Variants in KIF26B observed in about 807,000 individuals in gnomAD.
KIF26B encodes kinesin-like protein KIF26B.
A neutral mutation model predicts 151.2 loss-of-function variants in KIF26B; 63 were observed. That is an observed-to-expected ratio of 0.42 (90% CI 0.34 to 0.51). The LOEUF is 0.51. Among genes scored for constraint, KIF26B ranks in the 20% least tolerant of loss-of-function variants. The pLI, the probability that KIF26B is intolerant of heterozygous loss-of-function variation, is 0.07. For missense variants in KIF26B, 2,813 were observed against 2,913.6 expected (o/e 0.97, Z 0.79); for synonymous variants, 1,357 against 1,262.1 (o/e 1.08, Z -1.59).
intron 5 of KIF26B, among the ~76,000 whole-genome samples, chr1:245,565,597 C>A: frequency 6.6e-6 from 1 of 152,160 alleles, no homozygotes; most frequent in East Asian, 1.9e-4. Flanking sequence ...GCCTCTGATG[C>A]GTTCTTGCCG....
chr1:245,314,293 C>CA (rs542268110), intron 2 of KIF26B, among the ~76,000 whole-genome samples: 4 of 150,940 alleles, frequency 2.7e-5, no homozygotes, highest in Non-Finnish European at 1.5e-5. Flanking sequence ...ACTAAAAATA[C>CA]AAAAAAAAAT....
chr1:245,494,884 A>C (rs1660481029), intron 4 of KIF26B, among the ~76,000 whole-genome samples: 1 of 152,014 alleles, frequency 6.6e-6, no homozygotes, highest in African/African-American at 2.4e-5. Context: ...TATAAAAAAT[A>C]CAAAAATTAG....
intron 5 of KIF26B, among the ~76,000 whole-genome samples, chr1:245,543,935 G>A (rs576145313): frequency 3.9e-4 from 60 of 152,226 alleles, no homozygotes; most frequent in African/African-American, 1.3e-3. Context: ...ACGACAGAGC[G>A]AGACTCCATC....
At chr1:245,660,903 C>G (rs746539766) in intron 10 of KIF26B, among the ~76,000 whole-genome samples, 2 of 151,894 alleles carry the variant, frequency 1.3e-5, no homozygotes, top group Non-Finnish European at 2.9e-5. Flanking sequence ...GCAGCCTTGA[C>G]CTGCTGGGCT....
At position 245,239,407 on chromosome 1, in the gene KIF26B, C is replaced by T. The variant is rs1263665470; in HGVS notation, c.465+82724C>T. 6.6e-6 allele frequency among the ~76,000 whole-genome samples: 1 copy of T among 152,206 alleles called. No individual in the cohort carries two copies. The highest frequency in any genetic ancestry group is 2.4e-5 in the African/African-American group (1 of 41,456). The stretch of plus-strand genomic sequence containing the variant: ...TAGAAAGCGAATTCTTTCTTTGCAT[C>T]AATTTTTATCAAAAACTTAATGCCA... On this transcript the variant is annotated intron_variant, in intron 2 of 14. Coordinates refer to ENST00000407071, the MANE Select transcript of KIF26B (RefSeq NM_018012.4). The surrounding 1 kb of genome is among the most constrained non-coding windows in gnomAD (Gnocchi z 4.3).
intron 4 of KIF26B, among the ~76,000 whole-genome samples, chr1:245,425,562 A>G (rs1415097613): frequency 6.6e-6 from 1 of 152,020 alleles, no homozygotes. Flanking sequence ...GTCCAACACC[A>G]CACCCGGCTA....
At chr1:245,454,868 A>C (rs72762811) in intron 4 of KIF26B, among the ~76,000 whole-genome samples, 1,934 of 152,272 alleles carry the variant, frequency 0.013, 14 homozygotes, top group Non-Finnish European at 0.019. Context: ...TTTGTCTCCC[A>C]ATGTGGATAA....
At chr1:245,543,473 ACTGTGTCGAGGAGCGGGGCATCGGT>A (rs66572196) in intron 5 of KIF26B, among the ~76,000 whole-genome samples, 65,647 of 151,774 alleles carry the variant, frequency 0.43, 14,506 homozygotes, top group Admixed American at 0.49. Flanking sequence ...CACCCATGAG[ACTGTGTCGAGGAGCGGGGCATCGGT>A]CTGGGGTCAC....
chr1:245,701,930 C>CAGAT (rs2044777818), intron 14 of KIF26B, among the ~76,000 whole-genome samples: 1 of 152,310 alleles, frequency 6.6e-6, no homozygotes, highest in East Asian at 1.9e-4. Flanking sequence ...GGGTTGATCC[C>CAGAT]AGATACCTGC....
chr1:245,545,778 G>A (rs1283982331), intron 5 of KIF26B, among the ~76,000 whole-genome samples: 1 of 135,172 alleles, frequency 7.4e-6, no homozygotes, highest in Non-Finnish European at 1.6e-5. Flanking sequence ...TAATCTGTTT[G>A]AAAACGGTTG....
intron 2 of KIF26B, among the ~76,000 whole-genome samples, chr1:245,256,517 T>G (rs1008935772): frequency 1.3e-5 from 2 of 152,210 alleles, no homozygotes; most frequent in African/African-American, 2.4e-5. Context: ...CTGCTCAGCC[T>G]TCCCCACTTT....
chr1:245,171,160 A>T (rs946520384), intron 2 of KIF26B, among the ~76,000 whole-genome samples: 5 of 152,202 alleles, frequency 3.3e-5, no homozygotes, highest in Admixed American at 6.5e-5. Context: ...TCCCAAAGAG[A>T]AATAGAGTAG....
intron 4 of KIF26B, among the ~76,000 whole-genome samples, chr1:245,538,333 G>A (rs1661530280): frequency 6.6e-6 from 1 of 152,080 alleles, no homozygotes; most frequent in African/African-American, 2.4e-5. Context: ...GTAGCTGGCT[G>A]GGGAAGAATC....
intron 3 of KIF26B, among the ~76,000 whole-genome samples, chr1:245,410,390 G>A (rs996675352): frequency 6.6e-6 from 1 of 152,180 alleles, no homozygotes; most frequent in African/African-American, 2.4e-5. Context: ...ACAGCAGGTA[G>A]GTAGCCACGT....
At chr1:245,618,847 A>G (rs1434949184) in intron 9 of KIF26B, among the ~76,000 whole-genome samples, 27 of 129,394 alleles carry the variant, frequency 2.1e-4, no homozygotes, top group African/African-American at 3.6e-4. Flanking sequence ...ATTAGACTAT[A>G]GGTTCCTTGA....
In KIF26B at chr1:245,400,640, A is replaced by G. The variant is rs983328598; in HGVS notation, c.1000-18939A>G. Among the ~76,000 whole-genome samples, 3 of 152,332 alleles carry G rather than the reference A, an allele frequency of 2.0e-5. 1 individual carries two copies. The highest frequency in any genetic ancestry group is 2.4e-5 in the African/African-American group (1 of 41,586). ...TGTGACTGGTCTGTATAAAATACAT[A>G]TTAGAGTTCAAAGACTTGGTACATT... On this transcript the variant is annotated intron_variant, in intron 3 of 14. Transcript: ENST00000407071.
intron 5 of KIF26B, among the ~76,000 whole-genome samples, chr1:245,561,260 G>A (rs2042945583): frequency 6.6e-6 from 1 of 152,202 alleles, no homozygotes; most frequent in African/African-American, 2.4e-5. Flanking sequence ...GTAGGTGGGT[G>A]GGTGAGACAA....
intron 4 of KIF26B, among the ~76,000 whole-genome samples, chr1:245,468,792 C>G (rs1659847746): frequency 6.6e-6 from 1 of 152,126 alleles, no homozygotes; most frequent in African/African-American, 2.4e-5. Context: ...AAAACTCGAT[C>G]TGGAGTGTTT....
rs1419995904 is a variant in KIF26B, at chr1:245,540,397, C to T, written c.1167-370C>T. Among the ~76,000 whole-genome samples the T allele has an allele frequency of 6.6e-6, 1 of 152,152 alleles. No homozygotes were observed. The highest frequency in any genetic ancestry group is 2.4e-5 in the African/African-American group (1 of 41,430). On this transcript the variant is annotated intron_variant, in intron 4 of 14. Transcript: ENST00000407071. This position sits in a 1 kb window ranked among gnomAD's most constrained non-coding sequence, Gnocchi z 4.6. Reference sequence around the variant, plus strand: ...TTTTAAATTAGCTCATGAGGTCTCTCGCACCTGAGTTTATGCCAGAGAAGT... The same window carrying T: ...TTTTAAATTAGCTCATGAGGTCTCTTGCACCTGAGTTTATGCCAGAGAAGT...
Sources: allele counts gnomAD v4.1 joint callset (sites outside exome capture counted in the v4.1 genomes callset), GRCh38; gene constraint gnomAD v4.1.1; non-coding constraint Gnocchi (gnomAD v3.1); transcripts MANE v1.5; gene names NCBI Gene and HGNC (gene_info 2026-07-23, HGNC 2026-07-21).